GMEB1: variants seen among roughly 807,000 people sequenced by gnomAD.
GMEB1 encodes glucocorticoid modulatory element-binding protein 1.
A neutral mutation model predicts 52.4 loss-of-function variants in GMEB1; 6 were observed. The ratio of observed to expected loss-of-function variants is 0.11; its 90% CI spans 0.06 to 0.23. The LOEUF (loss-of-function observed/expected upper bound fraction) is 0.23, where lower values mean the gene tolerates loss of function less well. GMEB1 is among the 10% of genes least tolerant of loss of function. The pLI, the probability that GMEB1 is intolerant of heterozygous loss-of-function variation, is 1.00. For synonymous variants in GMEB1, 255 were observed against 244.9 expected, an observed-to-expected ratio of 1.04 and a Z score of -0.38; for missense variants, 486 against 685.6, an observed-to-expected ratio of 0.71 and a Z score of 3.25.
At chr1:28,691,962 C>G (rs961039771) in intron 4 of GMEB1, among the ~76,000 whole-genome samples, 3 of 150,620 alleles carry the variant, frequency 2.0e-5, no homozygotes, top group East Asian at 3.9e-4. Flanking sequence ...GGGAAGATCA[C>G]TTGAGCCCAG....
Position 28,702,559 on chromosome 1 carries a change from G to A in GMEB1, c.720G>A (p.Glu240=). The A allele has an allele frequency of 1.2e-6, 2 of 1,613,346 alleles. No homozygotes were observed. The highest frequency in any genetic ancestry group is 1.7e-6 in the Non-Finnish European group (2 of 1,179,640). ...ATEEGVKKDS[E]EISEDTLMFW... ...AGGAGGGTGTAAAGAAAGACTCAGA[G>A]GAAATTTCAGGTATTCTTCTATAGG... is the stretch of plus-strand genomic sequence containing the variant. The change falls in exon 7 of 10, where the codon GAG becomes GAA. Residue 240 remains glutamate (E), a synonymous_variant. Coordinates refer to ENST00000373816, the MANE Select transcript of GMEB1 (RefSeq NM_001319674.2).
intron 5 of GMEB1, among the ~76,000 whole-genome samples, chr1:28,695,848 A>G (rs955370929): frequency 7.8e-6 from 1 of 129,032 alleles, no homozygotes; most frequent in Admixed American, 8.5e-5. Flanking sequence ...CTGAGGCAGG[A>G]GAATGGCGTG....
chr1:28,699,993 T>A (rs1670416534), intron 6 of GMEB1, among the ~76,000 whole-genome samples: 1 of 144,892 alleles, frequency 6.9e-6, no homozygotes, highest in Non-Finnish European at 1.5e-5. Context: ...GAAGATCACG[T>A]ATCAGTGAGC....
chr1:28,697,086 T>TA lies in GMEB1; in HGVS notation c.598+3dup. Reference sequence around the variant, plus strand: ...TGCAGACACCCACTTCGGCTGATGGTAGGGGGTAGGAAACCACCTGAAAAC... The same window carrying TA: ...TGCAGACACCCACTTCGGCTGATGGTAAGGGGGTAGGAAACCACCTGAAAAC... On this transcript the variant is annotated splice_region_variant and intron_variant, in intron 6 of 9. Coordinates refer to ENST00000373816, the MANE Select transcript of GMEB1 (RefSeq NM_001319674.2). 1 of 1,588,856 alleles carries TA rather than the reference T, an allele frequency of 6.3e-7. No homozygotes were observed. The highest frequency in any genetic ancestry group is 8.6e-7 in the Non-Finnish European group (1 of 1,166,904).
intron 6 of GMEB1, among the ~76,000 whole-genome samples, chr1:28,699,845 C>T (rs982606204): frequency 1.1e-4 from 16 of 151,398 alleles, no homozygotes; most frequent in Admixed American, 6.6e-5. Flanking sequence ...GAAGCTGAGG[C>T]AGGAGGATTT....
chr1:28,693,183 CT>C (rs1670041857), intron 5 of GMEB1, 138 bp downstream of exon 5: 2 of 394,472 alleles, frequency 5.1e-6, no homozygotes, highest in Non-Finnish European at 9.2e-6. Flanking sequence ...CATTATTTGA[CT>C]TTAATCAACT....
chr1:28,687,334 TCACACACACACACACACA>T (rs1161076315), intron 2 of GMEB1, among the ~76,000 whole-genome samples: 2 of 54,086 alleles, frequency 3.7e-5, no homozygotes, highest in African/African-American at 1.4e-4. Context: ...AGACCCTATC[TCACACACACACACACACA>T]CACACACACA....
rs1671202590 is a variant in GMEB1 at position 28,714,503 on chromosome 1, A to G, written c.1422A>G (p.Thr474=). Residue 474 remains threonine, a synonymous_variant, in exon 10 of 10, where the codon ACA becomes ACG. Coordinates refer to ENST00000373816, the MANE Select transcript of GMEB1 (RefSeq NM_001319674.2). ...CTACTGCCATGCAGGATGGGAGTAC[A>G]CTGGGCAACATGACCACCATGGTTA... ...LSSTAMQDGS[T]LGNMTTMVSP... The G allele has an allele frequency of 1.2e-6, 2 of 1,614,050 alleles. No individual in the cohort carries two copies. Among genetic ancestry groups the G allele is most frequent in the South Asian group, 1.1e-5 (1 of 91,078 alleles).
In GMEB1 at chr1:28,710,402, A is replaced by G. The variant is rs971849959; in HGVS notation, c.869-118A>G. The G allele has an allele frequency of 8.1e-6, 5 of 616,342 alleles. No individual in the cohort carries two copies. In the African/African-American group the frequency reaches 9.4e-5, roughly 12 times the overall value. 38.2% of individuals were successfully genotyped at this position (616,342 alleles called of 1,614,324 possible). A position where few individuals can be genotyped will look rare whatever the true frequency, so the allele number is the denominator to read the frequency against. On this transcript the variant is annotated intron_variant, in intron 8 of 9. Coordinates refer to ENST00000373816, the MANE Select transcript of GMEB1 (RefSeq NM_001319674.2). ...AATAAATCTTTGTTAAAAATGTGTTAAAATGCAGTTAGGAGAGTCCCATAA... is the reference window on the plus strand; with the variant it reads ...AATAAATCTTTGTTAAAAATGTGTTGAAATGCAGTTAGGAGAGTCCCATAA...
At position 28,702,398 on chromosome 1, in the gene GMEB1, G is replaced by A. The variant is rs200585802; in HGVS notation, c.599-40G>A. On this transcript the variant is annotated intron_variant, in intron 6 of 9. Transcript: ENST00000373816. ...GATATAGGATAGCTATAACTTTTTC[G>A]TTAAATTCACTGTTCTCACCTCTAC... 988 of 1,583,220 alleles carry A rather than the reference G, an allele frequency of 6.2e-4. 1 individual carries two copies. Among genetic ancestry groups the A allele is most frequent in the Non-Finnish European group, 7.8e-4 (900 of 1,158,994 alleles).
chr1:28,699,661 T>G (rs1032658506), intron 6 of GMEB1, among the ~76,000 whole-genome samples: 1 of 151,912 alleles, frequency 6.6e-6, no homozygotes, highest in African/African-American at 2.4e-5. Context: ...AACTCCTGAC[T>G]TGAGGTGATC....
intron 5 of GMEB1, among the ~76,000 whole-genome samples, 174 bp downstream of exon 5, chr1:28,693,219 A>ATTTTTTTT (rs747525434): frequency 1.4e-5 from 2 of 140,786 alleles, no homozygotes; most frequent in Non-Finnish European, 1.6e-5. Flanking sequence ...GACGAGATTG[A>ATTTTTTTT]TTTTTTTTTT....
intron 1 of GMEB1, among the ~76,000 whole-genome samples, chr1:28,669,064 C>A (rs1412606875): frequency 2.7e-5 from 4 of 146,842 alleles, no homozygotes; most frequent in African/African-American, 9.8e-5. Context: ...GCCGCTGGGT[C>A]CGCCCGAGCC....
intron 8 of GMEB1, among the ~76,000 whole-genome samples, chr1:28,705,693 C>G (rs539729260): frequency 6.7e-6 from 1 of 150,234 alleles, no homozygotes; most frequent in African/African-American, 2.4e-5. Flanking sequence ...TTGGGTGATC[C>G]GCCCGCCTCG....
rs539476297 is a variant in GMEB1, at chr1:28,669,134, G to A, written c.-31+295G>A. On this transcript the variant is annotated intron_variant, in intron 1 of 9. Transcript: ENST00000373816. ...CGGGGCTCGGGCCCCAGACCAGGGC[G>A]GCGGGAACCGGCGAGTCCACCACTG... Among the ~76,000 whole-genome samples, 487 of 150,770 alleles carry A rather than the reference G, an allele frequency of 3.2e-3. 1 individual carries two copies. Among genetic ancestry groups the A allele is most frequent in the Non-Finnish European group, 5.3e-3 (357 of 67,546 alleles).
At position 28,671,703 on chromosome 1, in the gene GMEB1, C is replaced by T. The variant is rs947190906; in HGVS notation, c.-31+2864C>T. Among the ~76,000 whole-genome samples the T allele has an allele frequency of 4.6e-5, 7 of 152,080 alleles. No homozygotes were observed. In the South Asian group the frequency reaches 1.5e-3, roughly 32 times the overall value. On this transcript the variant is annotated intron_variant, in intron 1 of 9. Coordinates refer to ENST00000373816, the MANE Select transcript of GMEB1 (RefSeq NM_001319674.2). ...AGGTTGCAGTGAGCCGAGAGCGCAC[C>T]ACTGCTCTCCGGCCTGGGTGACAGA...
Position 28,714,548 on chromosome 1 carries a change from C to T in GMEB1, c.1467C>T (p.Ala489=). The T allele has an allele frequency of 6.2e-7, 1 of 1,614,150 alleles. No homozygotes were observed. Among genetic ancestry groups the T allele is most frequent in the South Asian group, 1.1e-5 (1 of 91,084 alleles). Residue 489 remains alanine (A), a synonymous_variant, in exon 10 of 10, where the codon GCC becomes GCT. Transcript: ENST00000373816. ...TGGTTAGCCCTGTGGAATTGGTGGC[C>T]ATGGAGTCCGGCCTAACCTCGGCAA... is the stretch of plus-strand genomic sequence containing the variant. ...TTMVSPVELV[A]MESGLTSAIQ...
At chr1:28,686,984 G>C (rs1669676456) in intron 2 of GMEB1, among the ~76,000 whole-genome samples, 1 of 152,052 alleles carries the variant, frequency 6.6e-6, no homozygotes, top group Non-Finnish European at 1.5e-5. Flanking sequence ...GAGGAAGTAA[G>C]TGATTATATT....
At chr1:28,678,774 A>G (rs930749162) in intron 1 of GMEB1, among the ~76,000 whole-genome samples, 1 of 151,876 alleles carries the variant, frequency 6.6e-6, no homozygotes, top group African/African-American at 2.4e-5. Flanking sequence ...TTTAGTAGAG[A>G]CAGAGTCTCA....
Sources: allele counts gnomAD v4.1 joint callset (sites outside exome capture counted in the v4.1 genomes callset), GRCh38; gene constraint gnomAD v4.1.1; transcripts MANE v1.5; gene names NCBI Gene and HGNC (gene_info 2026-07-23, HGNC 2026-07-21).